Variants in SHARPIN observed in about 807,000 individuals in gnomAD.
SHARPIN encodes the protein SHANK associated RH domain interactor.
Under a neutral mutation model 40.3 loss-of-function variants are expected in SHARPIN, and 25 were observed. The observed-to-expected ratio is 0.62, with a 90% CI of 0.45 to 0.87. The LOEUF (loss-of-function observed/expected upper bound fraction) is 0.87. SHARPIN is among the 40% of genes least tolerant of loss of function. The probability of loss-of-function intolerance (pLI) is 0.00; values close to 1 mark genes in which losing one functional copy is unlikely to be tolerated. For synonymous variants in SHARPIN, 274 were observed against 221.8 expected, an observed-to-expected ratio of 1.24 and a Z score of -2.09; for missense variants, 551 against 516.1, an observed-to-expected ratio of 1.07 and a Z score of -0.66.
At chr8:144,103,325 C>T (rs145431068) in intron 1 of SHARPIN, 100 bp from the exon 2 acceptor site, 12 of 1,363,440 alleles carry the variant, frequency 8.8e-6, no homozygotes, top group Admixed American at 7.0e-5. Context: ...TTTACACGGT[C>T]CTAAGCCCTG....
chr8:144,102,719 G>C, intron 2 of SHARPIN: 1 of 438,152 alleles, frequency 2.3e-6, no homozygotes. Context: ...GCTGCTCTTG[G>C]GATGATGTCT....
intron 2 of SHARPIN, chr8:144,102,529 T>G (rs1836308210): frequency 6.0e-6 from 1 of 166,118 alleles, no homozygotes; most frequent in Admixed American, 5.5e-5. Context: ...CACCTCGGCC[T>G]CCCAAAGTGC....
intron 2 of SHARPIN, among the ~76,000 whole-genome samples, chr8:144,101,795 A>C (rs939095661): frequency 6.6e-6 from 1 of 152,008 alleles, no homozygotes; most frequent in Non-Finnish European, 1.5e-5. Flanking sequence ...CCCTCTAAAA[A>C]TGCAAGCTCC....
Position 144,103,357 on chromosome 8 carries a change from A to C in SHARPIN, c.202-132T>G. On this transcript the variant is annotated intron_variant, in intron 1 of 8. Coordinates refer to ENST00000398712, the MANE Select transcript of SHARPIN (RefSeq NM_030974.4). ...CCTGTACGCCTATCATCAAATCCTCACAATAGCCCTGTAAAGTAGGTCCAG... is the reference window on the plus strand; with the variant it reads ...CCTGTACGCCTATCATCAAATCCTCCCAATAGCCCTGTAAAGTAGGTCCAG... 9 of 1,151,990 alleles carry C rather than the reference A, an allele frequency of 7.8e-6. No homozygotes were observed. The South Asian group carries it at 1.2e-4, about 16-fold the overall frequency. 71.4% of individuals were successfully genotyped at this position (1,151,990 alleles called of 1,614,324 possible).
At chr8:144,102,761 C>A in intron 2 of SHARPIN, 1 of 535,846 alleles carries the variant, frequency 1.9e-6, no homozygotes, top group Non-Finnish European at 3.4e-6. Flanking sequence ...GCCTGCTCTG[C>A]CTCTTCATGC....
chr8:144,101,891 C>T (rs1341332394), intron 2 of SHARPIN, among the ~76,000 whole-genome samples: 1 of 152,174 alleles, frequency 6.6e-6, no homozygotes, highest in Non-Finnish European at 1.5e-5. Flanking sequence ...TGGTGAATGA[C>T]TAAAGAGAGC....
chr8:144,103,242 T>A lies in SHARPIN; in HGVS notation c.202-17A>T. 6.3e-7 allele frequency: 1 copy of A among 1,586,296 alleles called. No homozygotes were observed. The highest frequency in any genetic ancestry group is 8.6e-7 in the Non-Finnish European group (1 of 1,166,852). ...CAAATTAACCTGAGAAGAGGGAGAGTCCAGGCTCAGGGCGTCCCCCCGCCC... is the reference window on the plus strand; with the variant it reads ...CAAATTAACCTGAGAAGAGGGAGAGACCAGGCTCAGGGCGTCCCCCCGCCC... On this transcript the variant is annotated splice_polypyrimidine_tract_variant and intron_variant, in intron 1 of 8. Transcript: ENST00000398712.
intron 5 of SHARPIN, 33 bp downstream of exon 5, chr8:144,099,477 C>A (rs376015740): frequency 6.2e-7 from 1 of 1,609,112 alleles, no homozygotes; most frequent in East Asian, 2.2e-5. Flanking sequence ...GGCTCCTCTG[C>A]CCCTGGCAGG....
At chr8:144,103,392 A>G (rs973483333) in intron 1 of SHARPIN, among the ~76,000 whole-genome samples, 161 bp downstream of exon 1, 2 of 152,250 alleles carry the variant, frequency 1.3e-5, no homozygotes, top group African/African-American at 4.8e-5. Context: ...GGTAGGTCCC[A>G]GTAGGTCCGA....
chr8:144,099,535 C>T lies in SHARPIN; in HGVS notation c.743G>A (p.Cys248Tyr), dbSNP rs1357431865. 1.9e-6 allele frequency: 3 copies of T among 1,614,014 alleles called. No homozygotes were observed. Among genetic ancestry groups the T allele is most frequent in the Non-Finnish European group, 2.5e-6 (3 of 1,179,998 alleles). Reference protein sequence around the residue: ...AHVALQVHPHCTVAALQEQVF... With the variant: ...AHVALQVHPHYTVAALQEQVF... ...CTGCTCCTGGAGAGCTGCAACAGTG[C>T]AGTGGGGGTGGACCTGCAGGGCAAC... Residue 248 changes from cysteine (C) to tyrosine (Y), a missense_variant, in exon 5 of 9, where the codon TGC becomes TAC. Physicochemically the swap from Cys to Tyr is radical, Grantham distance 194. Coordinates refer to ENST00000398712, the MANE Select transcript of SHARPIN (RefSeq NM_030974.4).
At chr8:144,100,765 C>A in intron 2 of SHARPIN, 2 of 153,112 alleles carry the variant, frequency 1.3e-5, no homozygotes, top group South Asian at 3.6e-4. Flanking sequence ...TTGCTGCTTC[C>A]TTGGTCACAT....
intron 8 of SHARPIN, 21 bp downstream of exon 8, chr8:144,098,845 T>G: frequency 1.3e-6 from 2 of 1,520,002 alleles, no homozygotes; most frequent in Non-Finnish European, 1.8e-6. Flanking sequence ...CCACCTCCCC[T>G]GCCTGTGCCA....
rs1836236342 is a variant in SHARPIN, at chr8:144,099,338, C to T, written c.861G>A (p.Gly287=). 1 of 1,614,014 alleles carries T rather than the reference C, an allele frequency of 6.2e-7. No individual in the cohort carries two copies. Among genetic ancestry groups the T allele is most frequent in the Non-Finnish European group, 8.5e-7 (1 of 1,180,016 alleles). ...CVPERSLASY[G]VRQDGDPAFL... ...AAGCAGGGTCCCCATCCTGCCGAAC[C>T]CCGTAAGAGGCAAGGCTGCGCTCAG... The change falls in exon 6 of 9, where the codon GGG becomes GGA. Residue 287 remains glycine (G), a synonymous_variant. Coordinates refer to ENST00000398712, the MANE Select transcript of SHARPIN (RefSeq NM_030974.4).
At position 144,098,950 on chromosome 8, in the gene SHARPIN, G is replaced by C. The variant is rs773320403; in HGVS notation, c.1092C>G (p.Asp364Glu). 3 of 1,593,642 alleles carry C rather than the reference G, an allele frequency of 1.9e-6. No homozygotes were observed. The South Asian group carries it at 3.4e-5, about 18-fold the overall frequency. ...TGCTACACATCTCACAGCCAGGGCGGTCTGGGGCATTGATGAAGGTGCAGG... is the reference window on the plus strand; with the variant it reads ...TGCTACACATCTCACAGCCAGGGCGCTCTGGGGCATTGATGAAGGTGCAGG... ...CPSCTFINAP[D>E]RPGCEMCSTQ... Residue 364 changes from aspartate to glutamate, a missense_variant, in exon 8 of 9, where the codon GAC (aspartate) becomes GAG (glutamate). Transcript: ENST00000398712.
In SHARPIN at chr8:144,099,515, C is replaced by G; in HGVS notation, c.763G>C (p.Glu255Gln). ...HPHCTVAALQ[E>Q]QVFSELGFPP... ...TCCCCAGACCCTGTGCCCACCTGCT[C>G]CTGGAGAGCTGCAACAGTGCAGTGG... Residue 255 changes from glutamate to glutamine, a missense_variant, in exon 5 of 9, where the codon GAG becomes CAG. Glu to Gln is a conservative substitution (Grantham distance 29). Transcript: ENST00000398712. The G allele has an allele frequency of 6.2e-7, 1 of 1,613,690 alleles. No individual in the cohort carries two copies. The highest frequency in any genetic ancestry group is 8.5e-7 in the Non-Finnish European group (1 of 1,179,824).
chr8:144,099,787 G>A lies in SHARPIN; in HGVS notation c.575C>T (p.Ala192Val). ...AIAGGDEKGA[A>V]QVAAVLAQHR... ...CTGGGCCAGGACGGCTGCCACTTGG[G>A]CTGCCCCCTTCTCGTCTCCACCTGC... Residue 192 changes from alanine to valine, a missense_variant, in exon 4 of 9, where the codon GCC (alanine) becomes GTC (valine). Transcript: ENST00000398712. 6.2e-7 allele frequency: 1 copy of A among 1,612,960 alleles called. No homozygotes were observed. Among genetic ancestry groups the A allele is most frequent in the Non-Finnish European group, 8.5e-7 (1 of 1,179,988 alleles).
At chr8:144,101,542 G>A (rs1313126597) in intron 2 of SHARPIN, among the ~76,000 whole-genome samples, 2 of 148,556 alleles carry the variant, frequency 1.3e-5, no homozygotes. Flanking sequence ...CCGAGTAGCT[G>A]GGACTATAGG....
chr8:144,103,477 C>T, intron 1 of SHARPIN, 76 bp downstream of exon 1: 1 of 1,425,104 alleles, frequency 7.0e-7, no homozygotes, highest in Non-Finnish European at 9.5e-7. Flanking sequence ...AGGTGGCAAG[C>T]GGAGGGGCCT....
Position 144,103,406 on chromosome 8 carries a change from T to A in SHARPIN, c.201+147A>T, listed in dbSNP as rs1056468002. The A allele has an allele frequency of 8.5e-6, 9 of 1,064,132 alleles. No homozygotes were observed. The African/African-American group carries it at 1.4e-4, about 17-fold the overall frequency. The allele number at this position is 1,064,132 out of a possible 1,614,324, so 65.9% of individuals were successfully genotyped here. A position where few individuals can be genotyped will look rare whatever the true frequency, so the allele number is the denominator to read the frequency against. On this transcript the variant is annotated intron_variant, in intron 1 of 8. Transcript: ENST00000398712. ...AGGTAGGTCCCAGTAGGTCCGAGCG[T>A]CACCCCCATTTCACGGACGAGAAAA...
Sources: gnomAD v4.1 joint callset for allele counts (sites outside exome capture counted in the v4.1 genomes callset) on GRCh38, gnomAD v4.1.1 for gene constraint, MANE v1.5 for transcripts, NCBI Gene and HGNC (gene_info 2026-07-23, HGNC 2026-07-21) for gene names.